Variants in HDAC9 observed in about 807,000 individuals in gnomAD.
HDAC9 encodes MEF-2 interacting transcription repressor (MITR) protein.
In HDAC9, 41 loss-of-function variants were observed where a neutral mutation model predicts 139.4. The observed-to-expected ratio is 0.29, with a 90% confidence interval of 0.23 to 0.38. HDAC9 has a LOEUF of 0.38. Among genes scored for constraint, HDAC9 ranks in the 10% least tolerant of loss-of-function variants. The pLI is 1.00. For missense variants in HDAC9, 1,147 were observed against 1,297.0 expected (o/e 0.88, Z 1.78); for synonymous variants, 517 against 476.2 (o/e 1.09, Z -1.12).
intron 2 of HDAC9, among the ~76,000 whole-genome samples, chr7:18,178,377 A>C (rs1293604233): frequency 6.6e-6 from 1 of 152,166 alleles, no homozygotes; most frequent in Non-Finnish European, 1.5e-5. Context: ...GAGCCACTGC[A>C]CCCGGCCCCC....
At chr7:18,432,958 A>G (rs938313586) in intron 1 of HDAC9, among the ~76,000 whole-genome samples, 3 of 151,920 alleles carry the variant, frequency 2.0e-5, no homozygotes, top group African/African-American at 7.3e-5. Flanking sequence ...CTTAAAAAAA[A>G]AAAAAAAGAA....
chr7:18,137,711 A>G (rs1785536402), intron 1 of HDAC9, among the ~76,000 whole-genome samples: 1 of 151,816 alleles, frequency 6.6e-6, no homozygotes, highest in Non-Finnish European at 1.5e-5. Flanking sequence ...TTTTGCCAGT[A>G]TTTTATTGAG....
At chr7:18,817,146 T>C (rs1228971708) in intron 17 of HDAC9, among the ~76,000 whole-genome samples, 2 of 151,982 alleles carry the variant, frequency 1.3e-5, no homozygotes, top group Non-Finnish European at 2.9e-5. Context: ...GCCATTCTTC[T>C]GCCTCAGCCT....
Position 18,863,507 on chromosome 7 carries a change from G to A in HDAC9, c.2685-10971G>A, listed in dbSNP as rs73320023. 7.0e-3 allele frequency among the ~76,000 whole-genome samples: 1,063 copies of A among 152,234 alleles called. 16 individuals are homozygous for A. Among genetic ancestry groups the A allele is most frequent in the African/African-American group, 0.024 (992 of 41,540 alleles). On this transcript the variant is annotated intron_variant, in intron 21 of 25. Coordinates refer to ENST00000686413, the MANE Select transcript of HDAC9 (RefSeq NM_178425.4). The stretch of plus-strand genomic sequence containing the variant: ...CAGTGTATTTTATGTGTGGCCCAAG[G>A]CAATTCTTCGTCTTCTAATGTGGCC...
chr7:18,779,091 T>C (rs1001175301), intron 16 of HDAC9, among the ~76,000 whole-genome samples: 4 of 152,096 alleles, frequency 2.6e-5, no homozygotes, highest in African/African-American at 9.7e-5. Context: ...TGTTTCTTTT[T>C]CATCTCACCA....
intron 1 of HDAC9, among the ~76,000 whole-genome samples, chr7:18,345,848 C>G (rs535753693): frequency 2.6e-5 from 4 of 152,080 alleles, no homozygotes; most frequent in African/African-American, 9.6e-5. Flanking sequence ...TTTACTCCCC[C>G]TGCTGGCCTC....
chr7:18,616,871 T>C (rs73309460), intron 6 of HDAC9, among the ~76,000 whole-genome samples: 4,845 of 152,292 alleles, frequency 0.032, 270 homozygotes, highest in African/African-American at 0.11. Flanking sequence ...TTGAATAGAC[T>C]TAGAGGTTAC....
chr7:18,930,445 TCTAA>T (rs1194982377), intron 22 of HDAC9, among the ~76,000 whole-genome samples: 3 of 151,866 alleles, frequency 2.0e-5, no homozygotes, highest in East Asian at 4.0e-4. Context: ...TATGCTCTAA[TCTAA>T]CACACACATA....
intron 1 of HDAC9, among the ~76,000 whole-genome samples, chr7:18,307,368 T>A (rs1308741108): frequency 6.6e-6 from 1 of 152,166 alleles, no homozygotes; most frequent in Non-Finnish European, 1.5e-5. Context: ...TTGAACACAT[T>A]GAATTTTGTG....
rs1286389965 is a variant in HDAC9 at position 18,104,570 on chromosome 7, T to A, written c.-97+17357T>A. Among the ~76,000 whole-genome samples the A allele has an allele frequency of 3.3e-5, 5 of 152,192 alleles. No homozygotes were observed. In the East Asian group the frequency reaches 9.6e-4, roughly 29 times the overall value. Reference sequence around the variant, plus strand: ...CCGCAGACACCAAATATTTTTTCAATTTTCAGTTCCCAGTGTGAAAAGACT... The same window carrying A: ...CCGCAGACACCAAATATTTTTTCAAATTTCAGTTCCCAGTGTGAAAAGACT... On this transcript the variant is annotated intron_variant, in intron 1 of 12. Coordinates refer to the HDAC9 transcript ENST00000417496.
chr7:18,975,408 C>T (rs1185807624), intron 24 of HDAC9, among the ~76,000 whole-genome samples: 1 of 152,166 alleles, frequency 6.6e-6, no homozygotes, highest in Non-Finnish European at 1.5e-5. Flanking sequence ...ATTCAAGTAG[C>T]AATGTTTAAC....
At chr7:18,671,480 A>G (rs549533194) in intron 12 of HDAC9, among the ~76,000 whole-genome samples, 2 of 152,102 alleles carry the variant, frequency 1.3e-5, no homozygotes, top group African/African-American at 4.8e-5. Context: ...GCTTTTACCT[A>G]AGTTCCTCAG....
rs1237580595 is a variant in HDAC9 at position 18,921,519 on chromosome 7, C to T, written c.2804-14290C>T. 7.2e-5 allele frequency among the ~76,000 whole-genome samples: 11 copies of T among 152,238 alleles called. No individual in the cohort carries two copies. The East Asian group carries it at 1.9e-3, about 27-fold the overall frequency. Reference sequence around the variant, plus strand: ...CCATCAGAGAAATGCAAATCAAAACCGCAATGAGATACCATCTCACACCAG... The same window carrying T: ...CCATCAGAGAAATGCAAATCAAAACTGCAATGAGATACCATCTCACACCAG... On this transcript the variant is annotated intron_variant, in intron 22 of 25. Coordinates refer to ENST00000686413, the MANE Select transcript of HDAC9 (RefSeq NM_178425.4).
chr7:18,664,810 A>G (rs1794332175), intron 11 of HDAC9, among the ~76,000 whole-genome samples: 1 of 152,112 alleles, frequency 6.6e-6, no homozygotes, highest in South Asian at 2.1e-4. Flanking sequence ...ATTTTGTCAT[A>G]CTTGAAAATA....
intron 2 of HDAC9, among the ~76,000 whole-genome samples, chr7:18,535,835 A>C (rs1024451807): frequency 4.6e-5 from 7 of 152,188 alleles, no homozygotes; most frequent in Non-Finnish European, 1.0e-4. Flanking sequence ...AAACAGAAGA[A>C]AATAAGAGGG....
chr7:18,171,660 T>G lies in HDAC9; in HGVS notation c.25+9311T>G, dbSNP rs577932183. 1.3e-5 allele frequency among the ~76,000 whole-genome samples: 2 copies of G among 152,378 alleles called. 1 individual carries two copies. The highest frequency in any genetic ancestry group is 4.1e-4 in the South Asian group (2 of 4,832). On this transcript the variant is annotated intron_variant, in intron 2 of 12. Coordinates refer to the HDAC9 transcript ENST00000417496. ...ATTGAGAATTTTTAGCATGAAGGGC[T>G]GTTGAATTTTGTCTAAGGCCTTTTC... is the stretch of plus-strand genomic sequence containing the variant.
At chr7:18,146,613 G>C (rs1238961254) in intron 1 of HDAC9, among the ~76,000 whole-genome samples, 1 of 152,058 alleles carries the variant, frequency 6.6e-6, no homozygotes, top group Non-Finnish European at 1.5e-5. Flanking sequence ...AGCAACAACG[G>C]GCTGCAGAAA....
chr7:18,315,256 A>G (rs934501258), intron 1 of HDAC9, among the ~76,000 whole-genome samples: 1 of 152,198 alleles, frequency 6.6e-6, no homozygotes, highest in Non-Finnish European at 1.5e-5. Flanking sequence ...GGGGTCAGGC[A>G]TTCACTGTTC....
chr7:18,169,211 A>G (rs1284710172), intron 2 of HDAC9, among the ~76,000 whole-genome samples: 2 of 152,132 alleles, frequency 1.3e-5, no homozygotes, highest in African/African-American at 2.4e-5. Context: ...TGCTGGGATT[A>G]CAGGTATGTG....
Sources: gnomAD v4.1 joint callset for allele counts (sites outside exome capture counted in the v4.1 genomes callset) on GRCh38, gnomAD v4.1.1 for gene constraint, MANE v1.5 for transcripts, NCBI Gene and HGNC (gene_info 2026-07-23, HGNC 2026-07-21) for gene names.